PDILT: variants seen among roughly 807,000 people sequenced by gnomAD.
The protein encoded by PDILT is protein disulfide-isomerase-like protein of the testis.
PDILT carries 43 observed loss-of-function variants against 53.7 expected under a neutral mutation model. The observed-to-expected ratio is 0.80, with a 90% CI of 0.63 to 1.03. The LOEUF (loss-of-function observed/expected upper bound fraction) is 1.03, where lower values mean the gene tolerates loss of function less well. Ranked by LOEUF, PDILT falls within the 50% of genes least tolerant of loss-of-function variation. The pLI is 0.00. For synonymous variants in PDILT, 282 were observed against 274.2 expected, an observed-to-expected ratio of 1.03 and a Z score of -0.28; for missense variants, 727 against 712.3, an observed-to-expected ratio of 1.02 and a Z score of -0.24.
chr16:20,375,830 T>A (rs1294724912), intron 4 of PDILT, among the ~76,000 whole-genome samples: 1 of 151,706 alleles, frequency 6.6e-6, no homozygotes, highest in Non-Finnish European at 1.5e-5. Context: ...AGTGATGTTC[T>A]AAATGGACCC....
intron 8 of PDILT, among the ~76,000 whole-genome samples, chr16:20,368,457 A>G (rs913800243): frequency 3.9e-5 from 6 of 152,316 alleles, no homozygotes; most frequent in African/African-American, 9.6e-5. Context: ...TGCTGTGCAC[A>G]CGAGACAGCT....
chr16:20,359,254 A>G lies in PDILT; in HGVS notation c.*65T>C. On this transcript the variant is annotated 3_prime_UTR_variant, in exon 12 of 12. Coordinates refer to ENST00000302451, the MANE Select transcript of PDILT (RefSeq NM_174924.2). ...AATGATATATGCTTTTATTGGAATC[A>G]ATCCATTCAGAAAATGATGCCAGGA... 1 of 1,591,182 alleles carries G rather than the reference A, an allele frequency of 6.3e-7. No individual in the cohort carries two copies. The highest frequency in any genetic ancestry group is 8.5e-7 in the Non-Finnish European group (1 of 1,170,746).
chr16:20,369,135 C>A (rs903546572), intron 8 of PDILT, among the ~76,000 whole-genome samples: 9 of 152,228 alleles, frequency 5.9e-5, no homozygotes, highest in African/African-American at 2.2e-4. Flanking sequence ...CTCCTCAAAG[C>A]AAGCATCTAC....
chr16:20,397,735 G>C (rs894142371), intron 2 of PDILT, among the ~76,000 whole-genome samples: 1 of 152,164 alleles, frequency 6.6e-6, no homozygotes, highest in African/African-American at 2.4e-5. Context: ...TGGAGGGGCA[G>C]CTTGGGAAGC....
chr16:20,395,076 A>T (rs1966646236), intron 2 of PDILT, among the ~76,000 whole-genome samples: 1 of 152,228 alleles, frequency 6.6e-6, no homozygotes, highest in Non-Finnish European at 1.5e-5. Context: ...GATTTCATTG[A>T]TCTCGTATTA....
intron 2 of PDILT, chr16:20,385,819 C>A (rs1596592881): frequency 6.6e-6 from 1 of 152,188 alleles, no homozygotes; most frequent in East Asian, 1.9e-4. Context: ...ATGCCCAGGG[C>A]AAAAGAAGTC....
intron 2 of PDILT, among the ~76,000 whole-genome samples, chr16:20,387,117 G>A (rs972466001): frequency 6.6e-6 from 1 of 152,196 alleles, no homozygotes. Context: ...GATATGCCAT[G>A]TGCCAGGCAC....
intron 1 of PDILT, among the ~76,000 whole-genome samples, 194 bp from the exon 2 acceptor site, chr16:20,399,501 T>A (rs1428687903): frequency 4.6e-5 from 7 of 152,080 alleles, no homozygotes; most frequent in African/African-American, 9.7e-5. Context: ...GGCCCAGTAG[T>A]GACTGTATGG....
At chr16:20,366,956 C>T (rs376593880) in intron 8 of PDILT, among the ~76,000 whole-genome samples, 9 of 66,582 alleles carry the variant, frequency 1.4e-4, no homozygotes, top group African/African-American at 3.3e-4. Flanking sequence ...TCCTTCCTTC[C>T]TTCCTTCCTT....
chr16:20,391,970 T>A (rs1478454805), intron 2 of PDILT, among the ~76,000 whole-genome samples: 1 of 151,614 alleles, frequency 6.6e-6, no homozygotes, highest in Non-Finnish European at 1.5e-5. Context: ...CCTTAGCTAC[T>A]GAATGACCTG....
intron 8 of PDILT, 122 bp downstream of exon 8, chr16:20,369,370 C>T: frequency 8.7e-7 from 1 of 1,144,666 alleles, no homozygotes; most frequent in Non-Finnish European, 1.3e-6. Flanking sequence ...CCACATTGAG[C>T]CACAAAGTTG....
chr16:20,402,188 G>A (rs1028724052), intron 1 of PDILT, among the ~76,000 whole-genome samples: 1 of 152,238 alleles, frequency 6.6e-6, no homozygotes, highest in Non-Finnish European at 1.5e-5. Flanking sequence ...AATGCAGTGA[G>A]ATAAATAGAT....
At chr16:20,400,566 C>T (rs1233003127) in intron 1 of PDILT, among the ~76,000 whole-genome samples, 1 of 151,956 alleles carries the variant, frequency 6.6e-6, no homozygotes, top group African/African-American at 2.4e-5. Context: ...TGGATACCTA[C>T]ATGTTTCAAA....
rs1966790560 is a variant in PDILT at position 20,404,667 on chromosome 16, G to A, written c.-179C>T. The A allele has an allele frequency of 6.6e-6, 1 of 152,328 alleles. No homozygotes were observed. Among genetic ancestry groups the A allele is most frequent in the African/African-American group, 2.4e-5 (1 of 41,460 alleles). The allele number at this position is 152,328 out of a possible 1,614,324, so 9.4% of individuals were successfully genotyped here. A position where few individuals can be genotyped will look rare whatever the true frequency, so the allele number is the denominator to read the frequency against. ...CCCGCAGACGACTGGGCATTCTAAA[G>A]AATCCACAGGCAGAAATGAAGTCCC... is the stretch of plus-strand genomic sequence containing the variant. On this transcript the variant is annotated 5_prime_UTR_variant, in exon 1 of 12. Coordinates refer to ENST00000302451, the MANE Select transcript of PDILT (RefSeq NM_174924.2).
At chr16:20,363,286 T>G (rs1354106491) in intron 9 of PDILT, among the ~76,000 whole-genome samples, 1 of 152,184 alleles carries the variant, frequency 6.6e-6, no homozygotes, top group Non-Finnish European at 1.5e-5. Flanking sequence ...TCCTTCCATC[T>G]CAGCTTCCTG....
At chr16:20,401,501 G>A (rs959153054) in intron 1 of PDILT, among the ~76,000 whole-genome samples, 6 of 152,106 alleles carry the variant, frequency 3.9e-5, no homozygotes, top group Non-Finnish European at 7.4e-5. Context: ...AACCGTCCTA[G>A]GCCTGACAGT....
intron 3 of PDILT, among the ~76,000 whole-genome samples, chr16:20,378,126 G>C (rs1051337131): frequency 1.3e-5 from 2 of 152,044 alleles, no homozygotes; most frequent in African/African-American, 2.4e-5. Context: ...AACTGCAAAG[G>C]CTCTACCTTC....
chr16:20,387,227 G>A lies in PDILT; in HGVS notation c.203-2376C>T, dbSNP rs181385169. ...AGAATAACAAAGTAAAATATGTGCT[G>A]TGTTAGATAATATGTGCTTTGGAAA... On this transcript the variant is annotated intron_variant, in intron 2 of 11. Coordinates refer to ENST00000302451, the MANE Select transcript of PDILT (RefSeq NM_174924.2). Among the ~76,000 whole-genome samples, 261 of 152,352 alleles carry A rather than the reference G, an allele frequency of 1.7e-3. 1 individual carries two copies. The highest frequency in any genetic ancestry group is 6.0e-3 in the African/African-American group (250 of 41,572).
rs55815809 is a variant in PDILT at position 20,400,072 on chromosome 16, A to ATTTTTT, written c.-7-771_-7-766dup. 3.2e-3 allele frequency among the ~76,000 whole-genome samples: 438 copies of ATTTTTT among 137,448 alleles called. 3 individuals are homozygous for ATTTTTT. Among genetic ancestry groups the ATTTTTT allele is most frequent in the African/African-American group, 8.0e-3 (279 of 34,820 alleles). 90.2% of individuals were successfully genotyped at this position (137,448 alleles called of 152,430 possible). On this transcript the variant is annotated intron_variant, in intron 1 of 11. Coordinates refer to ENST00000302451, the MANE Select transcript of PDILT (RefSeq NM_174924.2). ...TATCTATCTATATATATATATATATATTTTTTGAGACGGAGTTTTGCTCTT... is the reference window on the plus strand; with the variant it reads ...TATCTATCTATATATATATATATATATTTTTTTTTTTTGAGACGGAGTTTTGCTCTT...
Sources: allele counts gnomAD v4.1 joint callset (sites outside exome capture counted in the v4.1 genomes callset), GRCh38; gene constraint gnomAD v4.1.1; transcripts MANE v1.5; gene names NCBI Gene and HGNC (gene_info 2026-07-23, HGNC 2026-07-21).